Variants in CCDC15 observed in about 807,000 individuals in gnomAD.
CCDC15 encodes coiled-coil domain-containing protein 15.
A neutral mutation model predicts 114.5 loss-of-function variants in CCDC15; 105 were observed. The ratio of observed to expected loss-of-function variants is 0.92; its 90% CI spans 0.78 to 1.08. The LOEUF is 1.08. CCDC15 is among the 50% of genes least tolerant of loss of function. The probability of loss-of-function intolerance (pLI) is 0.00; values close to 1 mark genes in which losing one functional copy is unlikely to be tolerated. For missense variants in CCDC15, 1,105 were observed against 1,093.6 expected (o/e 1.01, Z -0.15); for synonymous variants, 334 against 377.8 (o/e 0.88, Z 1.34).
intron 6 of CCDC15, among the ~76,000 whole-genome samples, chr11:124,984,944 G>C (rs576983382): frequency 6.6e-6 from 1 of 152,262 alleles, no homozygotes; most frequent in Non-Finnish European, 1.5e-5. Flanking sequence ...CAGCTATCTT[G>C]TTTTTGGGAT....
chr11:124,989,455 G>C (rs1176129701), intron 8 of CCDC15, among the ~76,000 whole-genome samples: 3 of 152,190 alleles, frequency 2.0e-5, no homozygotes, highest in African/African-American at 7.2e-5. Flanking sequence ...ATGTGCATTG[G>C]CTTCAACTTA....
intron 5 of CCDC15, among the ~76,000 whole-genome samples, chr11:124,975,460 TTAAG>T (rs1004775822): frequency 3.3e-5 from 5 of 152,130 alleles, no homozygotes; most frequent in African/African-American, 4.8e-5. Context: ...GGATATGAAA[TTAAG>T]TATGATATGA....
intron 4 of CCDC15, among the ~76,000 whole-genome samples, chr11:124,965,550 T>G (rs1299537636): frequency 9.2e-5 from 14 of 152,176 alleles, no homozygotes; most frequent in Non-Finnish European, 2.9e-5. Context: ...TTATTAATCT[T>G]GCTAGCGGTC....
chr11:124,970,332 A>G (rs1445971318), intron 4 of CCDC15, among the ~76,000 whole-genome samples: 3 of 152,218 alleles, frequency 2.0e-5, no homozygotes, highest in Admixed American at 6.5e-5. Flanking sequence ...GCCATCTTAT[A>G]GATTGATAGC....
chr11:125,029,627 C>T (rs562468552), intron 13 of CCDC15, among the ~76,000 whole-genome samples: 1 of 152,334 alleles, frequency 6.6e-6, no homozygotes, highest in South Asian at 2.1e-4. Context: ...TGTTTCTGCA[C>T]TGGTCATGTG....
At chr11:124,996,418 A>T (rs2135501420) in intron 11 of CCDC15, among the ~76,000 whole-genome samples, 1 of 152,310 alleles carries the variant, frequency 6.6e-6, no homozygotes, top group East Asian at 1.9e-4. Flanking sequence ...TTTCTCTTCA[A>T]GCCCCACCAG....
chr11:124,965,429 A>G (rs1421310766), intron 4 of CCDC15, among the ~76,000 whole-genome samples: 1 of 152,198 alleles, frequency 6.6e-6, no homozygotes, highest in Non-Finnish European at 1.5e-5. Context: ...TTATTTACGT[A>G]GAGGTGTTTG....
rs112302812 is a variant in CCDC15, at chr11:124,997,409, C to T, written c.2214+4166C>T. ...GGCTCAAGTGATCCTCCTGCCTCAG[C>T]CTCCTAAGTAGCTAGGACTAGAGGT... On this transcript the variant is annotated intron_variant, in intron 11 of 15. Transcript: ENST00000344762. Among the ~76,000 whole-genome samples the T allele has an allele frequency of 2.8e-4, 42 of 152,274 alleles. 1 individual carries two copies. The highest frequency in any genetic ancestry group is 1.0e-3 in the African/African-American group (42 of 41,554).
chr11:124,977,626 G>C (rs781394049), intron 6 of CCDC15, 26 bp downstream of exon 6: 1 of 1,591,812 alleles, frequency 6.3e-7, no homozygotes, highest in Non-Finnish European at 8.5e-7. Context: ...AAGTAGAGGG[G>C]AAAGACATTG....
intron 4 of CCDC15, among the ~76,000 whole-genome samples, chr11:124,964,620 A>G (rs1241487017): frequency 6.6e-6 from 1 of 152,146 alleles, no homozygotes; most frequent in African/African-American, 2.4e-5. Flanking sequence ...TTCTTAATTG[A>G]ATACCCTTTA....
intron 13 of CCDC15, among the ~76,000 whole-genome samples, chr11:125,027,756 T>G (rs1219951626): frequency 2.0e-5 from 3 of 152,144 alleles, no homozygotes; most frequent in South Asian, 2.1e-4. Context: ...CATTTATTTT[T>G]TTTTTGTTTT....
chr11:124,977,898 G>A (rs905776123), intron 6 of CCDC15, among the ~76,000 whole-genome samples: 4 of 152,024 alleles, frequency 2.6e-5, no homozygotes, highest in Non-Finnish European at 5.9e-5. Context: ...GGATACATGT[G>A]TAGATTTGTC....
At chr11:125,024,232 A>G (rs1353179305) in intron 13 of CCDC15, among the ~76,000 whole-genome samples, 2 of 152,016 alleles carry the variant, frequency 1.3e-5, no homozygotes, top group African/African-American at 4.8e-5. Flanking sequence ...GTCCAGTTCT[A>G]TAGTAAAGCT....
Position 124,992,687 on chromosome 11 carries a change from G to C in CCDC15, c.2139G>C (p.Gln713His). 1 of 1,527,302 alleles carries C rather than the reference G, an allele frequency of 6.5e-7. No homozygotes were observed. The highest frequency in any genetic ancestry group is 9.0e-7 in the Non-Finnish European group (1 of 1,113,352). 94.6% of individuals were successfully genotyped at this position (1,527,302 alleles called of 1,614,324 possible). ...KIQDQDSPRE[Q>H]NKHIKLPSSF... ...AGGACCAAGACTCCCCTAGAGAACAGGTAGAACCGAATACAGTAGGAGGAC... is the reference window on the plus strand; with the variant it reads ...AGGACCAAGACTCCCCTAGAGAACACGTAGAACCGAATACAGTAGGAGGAC... The change falls in exon 10 of 16, where the codon CAG becomes CAC. Residue 713 changes from glutamine to histidine, a missense_variant and splice_region_variant. By Grantham distance (24) the Gln-to-His change is conservative. Coordinates refer to ENST00000344762, the MANE Select transcript of CCDC15 (RefSeq NM_025004.3).
At chr11:125,000,483 C>G (rs1167569349) in intron 11 of CCDC15, among the ~76,000 whole-genome samples, 1 of 152,074 alleles carries the variant, frequency 6.6e-6, no homozygotes, top group African/African-American at 2.4e-5. Flanking sequence ...GGGGGTAGAT[C>G]CCAGGAGCTA....
At position 125,038,537 on chromosome 11, in the gene CCDC15, G is replaced by A. The variant is rs765289311; in HGVS notation, c.2518G>A (p.Ala840Thr). 6.3e-7 allele frequency: 1 copy of A among 1,585,960 alleles called. No homozygotes were observed. Among genetic ancestry groups the A allele is most frequent in the Non-Finnish European group, 8.6e-7 (1 of 1,166,026 alleles). The change falls in exon 14 of 16, where the codon GCC becomes ACC. Residue 840 changes from alanine (A) to threonine (T), a missense_variant. Physicochemically the swap from Ala to Thr is moderately conservative, Grantham distance 58. Transcript: ENST00000344762. ...AGGAGAGAAGTTGAGTGAGATATTA[G>A]CCCAGTTACAACTTCAAGAAATAAA... ...YSGEKLSEIL[A>T]QLQLQEIKGT...
At chr11:124,962,583 T>C (rs1453951852) in intron 4 of CCDC15, among the ~76,000 whole-genome samples, 2 of 152,210 alleles carry the variant, frequency 1.3e-5, no homozygotes, top group Non-Finnish European at 2.9e-5. Context: ...TTATTTATAT[T>C]TTTAATTAAA....
intron 6 of CCDC15, among the ~76,000 whole-genome samples, chr11:124,983,581 C>T (rs1274248002): frequency 6.6e-6 from 1 of 151,974 alleles, no homozygotes; most frequent in Non-Finnish European, 1.5e-5. Flanking sequence ...ACTGTGTGCT[C>T]CAAATCTGGG....
intron 13 of CCDC15, among the ~76,000 whole-genome samples, chr11:125,011,325 C>T (rs1948592031): frequency 6.6e-6 from 1 of 151,736 alleles, no homozygotes; most frequent in Non-Finnish European, 1.5e-5. Context: ...GCAACCTCCA[C>T]CTCCCGAGTT....
Sources: gnomAD v4.1 joint callset for allele counts (sites outside exome capture counted in the v4.1 genomes callset) on GRCh38, gnomAD v4.1.1 for gene constraint, MANE v1.5 for transcripts, NCBI Gene and HGNC (gene_info 2026-07-23, HGNC 2026-07-21) for gene names.